Variants in TAF1 observed in about 807,000 individuals in gnomAD.
TAF1 encodes TATA-box binding protein associated factor 1.
A neutral mutation model predicts 138.5 loss-of-function variants in TAF1; 2 were observed. The observed-to-expected ratio is 0.01, with a 90% confidence interval of 0.01 to 0.05. The LOEUF is 0.05. TAF1 is among the 10% of genes least tolerant of loss of function. The pLI is 1.00. For missense variants in TAF1, 709 were observed against 1,478.0 expected, an observed-to-expected ratio of 0.48 and a Z score of 8.53; for synonymous variants, 437 against 503.2, an observed-to-expected ratio of 0.87 and a Z score of 1.76.
In TAF1 at chrX:71,525,128, A is replaced by G. The variant is rs773774543; in HGVS notation, c.1367-3414A>G. Among the ~76,000 whole-genome samples, 259 of 107,998 alleles carry G rather than the reference A, an allele frequency of 2.4e-3. 2 individuals are homozygous for G. Among genetic ancestry groups the G allele is most frequent in the African/African-American group, 8.0e-3 (238 of 29,663 alleles). 93.8% of individuals were successfully genotyped at this position (107,998 alleles called of 115,157 possible). A position where few individuals can be genotyped will look rare whatever the true frequency, so the allele number is the denominator to read the frequency against. On this transcript the variant is annotated intron_variant and NMD_transcript_variant, in intron 13 of 14. Coordinates refer to the TAF1 transcript ENST00000373775. ...GTGATCTTGGCTCACTGCAACCTCCACCTCCCAGGTTCAAGCAATTCTCCT... is the reference window on the plus strand; with the variant it reads ...GTGATCTTGGCTCACTGCAACCTCCGCCTCCCAGGTTCAAGCAATTCTCCT...
chrX:71,454,186 T>C lies in TAF1; in HGVS notation c.4770T>C (p.Tyr1590=), dbSNP rs775820989. ...SVKYNGPESQ[Y]TKTAQEIVNV... ...TATTTATAGGACCTGAGAGTCAGTA[T>C]ACTAAGACTGCCCAGGAGATTGTGA... The change falls in exon 33 of 38, where the codon TAT becomes TAC. Residue 1590 remains tyrosine (Y), a synonymous_variant. Transcript: ENST00000423759. The C allele has an allele frequency of 1.7e-6, 2 of 1,210,411 alleles. No homozygotes were observed. Among genetic ancestry groups the C allele is most frequent in the Non-Finnish European group, 2.2e-6 (2 of 894,334 alleles).
chrX:71,520,449 G>A (rs1326180311), intron 13 of TAF1, among the ~76,000 whole-genome samples: 2 of 108,639 alleles, frequency 1.8e-5, no homozygotes, highest in African/African-American at 3.3e-5. Context: ...TTGGGAGGCC[G>A]AGGCAGGCTG....
At chrX:71,475,584 C>CAA (rs78014278) in intron 13 of TAF1, among the ~76,000 whole-genome samples, 3 of 41,472 alleles carry the variant, frequency 7.2e-5, no homozygotes, top group Non-Finnish European at 8.6e-5. Context: ...GACTCCGTTT[C>CAA]AAAAAAAAAA....
intron 13 of TAF1, among the ~76,000 whole-genome samples, chrX:71,490,066 C>T (rs920059540): frequency 8.1e-5 from 9 of 111,334 alleles, no homozygotes; most frequent in African/African-American, 2.9e-4. Context: ...CTCCACTTTC[C>T]CCTCCTACTT....
chrX:71,512,697 A>T (rs2039755182), intron 13 of TAF1, among the ~76,000 whole-genome samples: 1 of 111,314 alleles, frequency 9.0e-6, no homozygotes, highest in Non-Finnish European at 1.9e-5. Context: ...TCATGACTGT[A>T]GTCCCAGCTA....
intron 23 of TAF1, among the ~76,000 whole-genome samples, 170 bp downstream of exon 23, chrX:71,397,636 C>G (rs775258143): frequency 9.0e-6 from 1 of 110,923 alleles, no homozygotes; most frequent in East Asian, 2.8e-4. Flanking sequence ...ACATGCACCA[C>G]CATGCCCAGC....
chrX:71,515,534 C>G (rs1040857953), intron 13 of TAF1, among the ~76,000 whole-genome samples: 1 of 111,842 alleles, frequency 8.9e-6, no homozygotes, highest in Non-Finnish European at 1.9e-5. Context: ...ATACCTTGAA[C>G]ATTATGGAAT....
intron 13 of TAF1, among the ~76,000 whole-genome samples, chrX:71,490,814 G>C (rs1336618397): frequency 5.6e-5 from 6 of 106,257 alleles, no homozygotes; most frequent in African/African-American, 1.7e-4. Flanking sequence ...TGCAACCTCT[G>C]CCTCCCGGGT....
chrX:71,444,077 G>A (rs1285664674), intron 32 of TAF1, among the ~76,000 whole-genome samples: 1 of 110,695 alleles, frequency 9.0e-6, no homozygotes, highest in African/African-American at 3.3e-5. Flanking sequence ...GCGCAATCTC[G>A]GCTCACTGTA....
At chrX:71,408,404 G>A (rs1193283662) in intron 28 of TAF1, among the ~76,000 whole-genome samples, 5 of 110,544 alleles carry the variant, frequency 4.5e-5, no homozygotes, top group African/African-American at 1.3e-4. Flanking sequence ...TGCAACCTCC[G>A]CCTCTCGGTT....
intron 32 of TAF1, among the ~76,000 whole-genome samples, chrX:71,430,104 G>A (rs2036801643): frequency 9.0e-6 from 1 of 111,587 alleles, no homozygotes; most frequent in East Asian, 2.8e-4. Context: ...ATCTAGGCCG[G>A]GCACGGTGGC....
At chrX:71,461,515 G>C (rs754572824) in intron 37 of TAF1, among the ~76,000 whole-genome samples, 46 of 110,921 alleles carry the variant, frequency 4.1e-4, no homozygotes, top group African/African-American at 1.5e-3. Context: ...AGGTAAGGAG[G>C]TTAGATGAAT....
intron 32 of TAF1, among the ~76,000 whole-genome samples, chrX:71,429,265 ACT>A (rs758752953): frequency 1.8e-5 from 2 of 108,215 alleles, no homozygotes; most frequent in East Asian, 2.9e-4. Context: ...ACAGAGCAAG[ACT>A]CTGTCTCAAA....
chrX:71,368,279 A>G, intron 3 of TAF1, 109 bp downstream of exon 3: 1 of 804,497 alleles, frequency 1.2e-6, no homozygotes, highest in Non-Finnish European at 1.8e-6. Flanking sequence ...TCTGCTCTCT[A>G]TGCCTTTGCT....
At chrX:71,484,192 T>C (rs2039130980) in intron 13 of TAF1, among the ~76,000 whole-genome samples, 1 of 111,506 alleles carries the variant, frequency 9.0e-6, no homozygotes, top group Non-Finnish European at 1.9e-5. Flanking sequence ...AAACATCCTA[T>C]GGATAGACAT....
intron 13 of TAF1, among the ~76,000 whole-genome samples, chrX:71,487,317 ATTTTTTTTTTTTT>A (rs60691914): frequency 1.8e-5 from 1 of 55,025 alleles, no homozygotes; most frequent in Admixed American, 2.2e-4. Flanking sequence ...TAATGTATGT[ATTTTTTTTTTTTT>A]TTTTTTTTTT....
At chrX:71,497,323 T>C (rs911569759) in intron 13 of TAF1, among the ~76,000 whole-genome samples, 1 of 111,864 alleles carries the variant, frequency 8.9e-6, no homozygotes, top group African/African-American at 3.3e-5. Context: ...TGGCAGGGTT[T>C]AGGGCCACAC....
chrX:71,367,015 T>A (rs996844152), intron 1 of TAF1, among the ~76,000 whole-genome samples: 1 of 112,107 alleles, frequency 8.9e-6, no homozygotes, highest in African/African-American at 3.2e-5. Flanking sequence ...CTTCACTGAC[T>A]TTCGTGAAAT....
chrX:71,377,996 A>G, intron 6 of TAF1, 175 bp downstream of exon 6: 1 of 700,795 alleles, frequency 1.4e-6, no homozygotes, highest in South Asian at 3.0e-5. Flanking sequence ...CTATTGTAAA[A>G]GAAAAATGTT....
Sources: gnomAD v4.1 joint callset for allele counts (sites outside exome capture counted in the v4.1 genomes callset) on GRCh38, gnomAD v4.1.1 for gene constraint, MANE v1.5 for transcripts, NCBI Gene and HGNC (gene_info 2026-07-23, HGNC 2026-07-21) for gene names.